Variants in ANKS1B observed in about 807,000 individuals in gnomAD.
ANKS1B encodes the protein ankyrin repeat and sterile alpha motif domain-containing protein 1B.
In ANKS1B, 36 loss-of-function variants were observed where a neutral mutation model predicts 148.3. The observed-to-expected ratio is 0.24, with a 90% CI of 0.19 to 0.32. The LOEUF is 0.32. ANKS1B is among the 10% of genes least tolerant of loss of function. The pLI is 1.00. For missense variants in ANKS1B, 1,157 were observed against 1,542.6 expected (o/e 0.75, Z 4.19); for synonymous variants, 542 against 560.8 (o/e 0.97, Z 0.47).
At chr12:99,117,509 G>T (rs905800538) in intron 15 of ANKS1B, among the ~76,000 whole-genome samples, 4 of 152,178 alleles carry the variant, frequency 2.6e-5, no homozygotes, top group Non-Finnish European at 5.9e-5. Flanking sequence ...TTATTGATTT[G>T]TGTATGTTGA....
At chr12:99,319,746 T>C (rs1050763797) in intron 12 of ANKS1B, among the ~76,000 whole-genome samples, 2 of 152,192 alleles carry the variant, frequency 1.3e-5, no homozygotes, top group Non-Finnish European at 1.5e-5. Flanking sequence ...TTTTGCTAGT[T>C]GTTAGTTTGT....
chr12:99,620,344 C>A (rs1598276496), intron 9 of ANKS1B, among the ~76,000 whole-genome samples: 2 of 152,094 alleles, frequency 1.3e-5, no homozygotes, highest in Non-Finnish European at 2.9e-5. Context: ...GTGACACCAC[C>A]AAAGGATCAC....
intron 12 of ANKS1B, among the ~76,000 whole-genome samples, chr12:99,371,424 A>G (rs895590235): frequency 1.3e-5 from 2 of 152,092 alleles, no homozygotes; most frequent in African/African-American, 4.8e-5. Context: ...CGCACAATTT[A>G]AGAGATAAGA....
chr12:99,276,563 A>G (rs781067355), intron 12 of ANKS1B, among the ~76,000 whole-genome samples: 12 of 152,206 alleles, frequency 7.9e-5, no homozygotes, highest in Non-Finnish European at 1.6e-4. Context: ...GAGAGACTTC[A>G]AAAGAAGCCA....
rs377201297 is a variant in ANKS1B, at chr12:99,549,704, CAT to C, written c.1273-45065_1273-45064del. 1.6e-3 allele frequency among the ~76,000 whole-genome samples: 249 copies of C among 152,250 alleles called. 2 individuals are homozygous for C. Among genetic ancestry groups the C allele is most frequent in the African/African-American group, 5.7e-3 (238 of 41,552 alleles). On this transcript the variant is annotated intron_variant, in intron 9 of 26. Transcript: ENST00000683438. ...AAAACTAATTTGCCTAAGGAACATG[CAT>C]TCTATAGTCAATGCATGAACTAACC...
intron 9 of ANKS1B, among the ~76,000 whole-genome samples, chr12:99,607,257 G>T (rs993545597): frequency 6.6e-6 from 1 of 152,062 alleles, no homozygotes; most frequent in Non-Finnish European, 1.5e-5. Flanking sequence ...CTCACAAGAT[G>T]TACACAAGGC....
At chr12:99,424,920 T>C (rs1323720073) in intron 11 of ANKS1B, among the ~76,000 whole-genome samples, 3 of 151,978 alleles carry the variant, frequency 2.0e-5, no homozygotes, top group African/African-American at 7.2e-5. Context: ...CTGCTAAGTG[T>C]TCAAACAGGG....
At position 99,018,769 on chromosome 12, in the gene ANKS1B, C is replaced by T. The variant is rs150195730; in HGVS notation, c.2778+34388G>A. ...ACCAGCCTGGCCAACATGGTGAAAC[C>T]CCATCTCTACTAAAAATACAGAAAT... On this transcript the variant is annotated intron_variant, in intron 17 of 26. Coordinates refer to ENST00000683438, the MANE Select transcript of ANKS1B (RefSeq NM_001352186.2). Among the ~76,000 whole-genome samples, 165 of 152,136 alleles carry T rather than the reference C, an allele frequency of 1.1e-3. 1 individual carries two copies. The East Asian group carries it at 0.03, about 28-fold the overall frequency.
At chr12:99,835,248 C>CAAAAAAAAAA (rs1191460160) in intron 1 of ANKS1B, among the ~76,000 whole-genome samples, 1 of 87,010 alleles carries the variant, frequency 1.1e-5, no homozygotes. Flanking sequence ...CCCATCTCTA[C>CAAAAAAAAAA]AAAAAAAAAA....
At chr12:99,899,626 GA>G (rs1464580516) in intron 1 of ANKS1B, among the ~76,000 whole-genome samples, 1 of 151,828 alleles carries the variant, frequency 6.6e-6, no homozygotes, top group African/African-American at 2.4e-5. Context: ...ATTTCAAGAG[GA>G]AAAAAAGTCA....
At chr12:99,162,687 A>G (rs1854171219) in intron 14 of ANKS1B, among the ~76,000 whole-genome samples, 1 of 152,190 alleles carries the variant, frequency 6.6e-6, no homozygotes, top group Non-Finnish European at 1.5e-5. Flanking sequence ...TATATGGGAG[A>G]GTATTTTTGG....
At chr12:98,741,694 C>T (rs563267677), downstream of ANKS1B, among the ~76,000 whole-genome samples, 1 of 152,316 alleles carries the variant, frequency 6.6e-6, no homozygotes, top group South Asian at 2.1e-4. Context: ...TCCACTTGTA[C>T]CTTTCTTCTT....
At chr12:99,178,370 C>A (rs749634144) in intron 14 of ANKS1B, among the ~76,000 whole-genome samples, 1 of 152,178 alleles carries the variant, frequency 6.6e-6, no homozygotes, top group Non-Finnish European at 1.5e-5. Flanking sequence ...CATGTCTTGG[C>A]CCCACACAGG....
chr12:99,718,222 C>T (rs1339219079), intron 8 of ANKS1B, among the ~76,000 whole-genome samples: 1 of 152,092 alleles, frequency 6.6e-6, no homozygotes, highest in Non-Finnish European at 1.5e-5. Context: ...TTAAGCACTC[C>T]TTTTTAGTTA....
intron 17 of ANKS1B, among the ~76,000 whole-genome samples, chr12:98,967,751 TAAA>T (rs544792811): frequency 0.086 from 6,994 of 81,300 alleles, 506 homozygotes; most frequent in African/African-American, 0.22. Context: ...CAGACAAATC[TAAA>T]AAAAAAAAAA....
chr12:99,656,123 A>T (rs1183119195), intron 8 of ANKS1B, among the ~76,000 whole-genome samples: 3 of 152,186 alleles, frequency 2.0e-5, no homozygotes, highest in Non-Finnish European at 2.9e-5. Context: ...AAGGATTATG[A>T]ATTCTAAGAC....
intron 9 of ANKS1B, among the ~76,000 whole-genome samples, chr12:99,549,033 G>A (rs1403325779): frequency 6.6e-6 from 1 of 152,062 alleles, no homozygotes; most frequent in Admixed American, 6.5e-5. Context: ...TGGAGGTGGG[G>A]GTGACTAGCA....
At chr12:98,778,758 T>C (rs2098705248) in intron 24 of ANKS1B, among the ~76,000 whole-genome samples, 1 of 152,318 alleles carries the variant, frequency 6.6e-6, no homozygotes. Context: ...TTCTCAGTCT[T>C]ACCCAGTCAA....
intron 8 of ANKS1B, among the ~76,000 whole-genome samples, chr12:99,716,550 C>T (rs56388509): frequency 0.19 from 29,486 of 151,968 alleles, 3,188 homozygotes; most frequent in Middle Eastern, 0.25. Context: ...TCTGCAATGC[C>T]GCTTGACCCC....
Sources: allele counts gnomAD v4.1 joint callset (sites outside exome capture counted in the v4.1 genomes callset), GRCh38; gene constraint gnomAD v4.1.1; transcripts MANE v1.5; gene names NCBI Gene and HGNC (gene_info 2026-07-23, HGNC 2026-07-21).